The following DNAH8 variants were observed in gnomAD, a reference collection of about 807,000 sequenced individuals.
DNAH8 encodes the protein dynein axonemal heavy chain 8.
DNAH8 carries 382 observed loss-of-function variants against 562.1 expected under a neutral mutation model. That is an observed-to-expected ratio of 0.68 (90% CI 0.63 to 0.74). The LOEUF is 0.74. Among genes scored for constraint, DNAH8 ranks in the 30% least tolerant of loss-of-function variants. The pLI is 0.00. For missense variants in DNAH8, 5,203 were observed against 5,620.4 expected (o/e 0.93, Z 2.37); for synonymous variants, 1,881 against 1,919.4 (o/e 0.98, Z 0.52).
intron 50 of DNAH8, 50 bp from the exon 51 acceptor site, chr6:38,872,856 T>C: frequency 4.4e-6 from 7 of 1,606,642 alleles, no homozygotes; most frequent in Non-Finnish European, 5.9e-6. Flanking sequence ...GATTTTTCCA[T>C]TTTAATTACT....
At chr6:38,777,607 T>C (rs1406518601) in intron 13 of DNAH8, among the ~76,000 whole-genome samples, 2 of 152,192 alleles carry the variant, frequency 1.3e-5, no homozygotes, top group Admixed American at 1.3e-4. Flanking sequence ...TATTTATTTT[T>C]ATTTTTATAG....
intron 89 of DNAH8, among the ~76,000 whole-genome samples, chr6:39,009,988 T>C (rs1766078874): frequency 6.6e-6 from 1 of 152,192 alleles, no homozygotes; most frequent in Non-Finnish European, 1.5e-5. Flanking sequence ...TTTTTAATAC[T>C]GGCATGTGAA....
intron 89 of DNAH8, among the ~76,000 whole-genome samples, chr6:39,011,479 A>G (rs1766203447): frequency 2.0e-5 from 3 of 152,202 alleles, no homozygotes; most frequent in African/African-American, 7.2e-5. Context: ...AGTTCCTGCC[A>G]GTATTTGTAG....
At chr6:38,906,559 T>A in intron 63 of DNAH8, 152 bp downstream of exon 63, 1 of 622,766 alleles carries the variant, frequency 1.6e-6, no homozygotes, top group East Asian at 3.0e-5. Context: ...TTTTCTGAAG[T>A]TCCTGTGAAA....
intron 1 of DNAH8, 69 bp downstream of exon 1, chr6:38,715,484 TC>T (rs1762200505): frequency 6.6e-6 from 1 of 152,342 alleles, no homozygotes; most frequent in Admixed American, 6.5e-5. Flanking sequence ...GCAGCCGGGT[TC>T]CCCGCCCACT....
chr6:38,998,173 G>T (rs1378730566), intron 88 of DNAH8, among the ~76,000 whole-genome samples: 1 of 152,212 alleles, frequency 6.6e-6, no homozygotes, highest in African/African-American at 2.4e-5. Flanking sequence ...GGAGATTTGG[G>T]CAGGGCGAAT....
intron 88 of DNAH8, among the ~76,000 whole-genome samples, chr6:39,006,898 T>C (rs556600690): frequency 6.6e-6 from 1 of 152,296 alleles, no homozygotes; most frequent in African/African-American, 2.4e-5. Flanking sequence ...CCCAGATTTA[T>C]GTAGGAATTT....
At chr6:38,868,564 T>A (rs1777234152) in intron 48 of DNAH8, among the ~76,000 whole-genome samples, 1 of 152,250 alleles carries the variant, frequency 6.6e-6, no homozygotes, top group Non-Finnish European at 1.5e-5. Flanking sequence ...GACTAGCTTA[T>A]CTCAGATATA....
chr6:38,928,403 C>T (rs896812733), intron 74 of DNAH8, among the ~76,000 whole-genome samples: 1 of 152,148 alleles, frequency 6.6e-6, no homozygotes, highest in African/African-American at 2.4e-5. Context: ...TGCTTTTCTT[C>T]ACCTTGTTTA....
intron 8 of DNAH8, among the ~76,000 whole-genome samples, chr6:38,743,272 G>A (rs1306316585): frequency 1.3e-5 from 2 of 151,910 alleles, no homozygotes; most frequent in Non-Finnish European, 1.5e-5. Flanking sequence ...CAAAGTGCTG[G>A]GATTACAGGT....
intron 41 of DNAH8, among the ~76,000 whole-genome samples, chr6:38,854,170 A>G (rs1440445150): frequency 6.6e-6 from 1 of 152,134 alleles, no homozygotes; most frequent in Non-Finnish European, 1.5e-5. Context: ...CCTTCAAGCA[A>G]TTAAAAATGG....
intron 68 of DNAH8, among the ~76,000 whole-genome samples, chr6:38,916,491 A>C (rs1383179189): frequency 6.6e-6 from 1 of 152,200 alleles, no homozygotes; most frequent in African/African-American, 2.4e-5. Flanking sequence ...TATGAGGACA[A>C]GACTATTTTG....
chr6:38,770,590 C>G, intron 12 of DNAH8, 31 bp downstream of exon 12: 1 of 1,523,714 alleles, frequency 6.6e-7, no homozygotes, highest in Non-Finnish European at 8.7e-7. Flanking sequence ...GTACCCCACT[C>G]CACACCACAC....
At chr6:38,844,588 C>A (rs956328012) in intron 35 of DNAH8, among the ~76,000 whole-genome samples, 1 of 152,100 alleles carries the variant, frequency 6.6e-6, no homozygotes, top group Non-Finnish European at 1.5e-5. Context: ...AATAATATAG[C>A]CATTCGTAGG....
intron 7 of DNAH8, among the ~76,000 whole-genome samples, chr6:38,738,876 G>C (rs527923892): frequency 3.7e-4 from 57 of 152,234 alleles, no homozygotes; most frequent in African/African-American, 1.4e-3. Flanking sequence ...ACCGTGCCCA[G>C]CCAAGACTTC....
At chr6:39,027,635 C>T (rs770865813) in intron 92 of DNAH8, among the ~76,000 whole-genome samples, 1 of 152,246 alleles carries the variant, frequency 6.6e-6, no homozygotes, top group Admixed American at 6.5e-5. Flanking sequence ...TGAGACCAGC[C>T]TGGCCAATAT....
At chr6:38,744,719 A>G (rs1391830844) in intron 8 of DNAH8, among the ~76,000 whole-genome samples, 1 of 152,088 alleles carries the variant, frequency 6.6e-6, no homozygotes, top group African/African-American at 2.4e-5. Flanking sequence ...CAGCCTCCTG[A>G]GTAGCTGAGA....
intron 41 of DNAH8, among the ~76,000 whole-genome samples, chr6:38,853,623 G>C (rs895483382): frequency 6.6e-6 from 1 of 150,620 alleles, no homozygotes; most frequent in Non-Finnish European, 1.5e-5. Flanking sequence ...ATATGTAAGC[G>C]TGTGTGTGTG....
rs563459711 is a variant in DNAH8, at chr6:38,823,166, C to A, written c.3720+132C>A. 18 of 702,768 alleles carry A rather than the reference C, an allele frequency of 2.6e-5. No homozygotes were observed. The African/African-American group carries it at 3.2e-4, about 13-fold the overall frequency. The allele number at this position is 702,768 out of a possible 1,614,324, so 43.5% of individuals were successfully genotyped here. On this transcript the variant is annotated intron_variant, in intron 27 of 92. Coordinates refer to ENST00000327475, the MANE Select transcript of DNAH8 (RefSeq NM_001206927.2). ...CCAAGAATCTATAAATACCAAGCAC[C>A]TGTCACCTTCTAGCTGGTGTAATTC...
Sources: gnomAD v4.1 joint callset for allele counts (sites outside exome capture counted in the v4.1 genomes callset) on GRCh38, gnomAD v4.1.1 for gene constraint, MANE v1.5 for transcripts, NCBI Gene and HGNC (gene_info 2026-07-23, HGNC 2026-07-21) for gene names.